The following CNOT6L variants were observed in gnomAD, a reference collection of about 807,000 sequenced individuals.
CNOT6L encodes the protein CCR4-NOT transcription complex subunit 6-like.
CNOT6L carries 7 observed loss-of-function variants against 64.0 expected under a neutral mutation model. That is an observed-to-expected ratio of 0.11 (90% CI 0.06 to 0.21). The LOEUF (loss-of-function observed/expected upper bound fraction) is 0.21. Among genes scored for constraint, CNOT6L ranks in the 10% least tolerant of loss-of-function variants. The probability of loss-of-function intolerance (pLI) is 1.00; values close to 1 mark genes in which losing one functional copy is unlikely to be tolerated. For missense variants in CNOT6L, 245 were observed against 669.0 expected (o/e 0.37, Z 6.99); for synonymous variants, 193 against 243.4 (o/e 0.79, Z 1.93).
intron 1 of CNOT6L, among the ~76,000 whole-genome samples, chr4:77,818,249 G>A (rs1024688996): frequency 1.3e-5 from 2 of 152,124 alleles, no homozygotes; most frequent in Non-Finnish European, 2.9e-5. Flanking sequence ...CTCAATAGCC[G>A]ACCGAGTTAA....
At chr4:77,773,421 C>T (rs777947469) in intron 3 of CNOT6L, among the ~76,000 whole-genome samples, 2 of 152,192 alleles carry the variant, frequency 1.3e-5, no homozygotes, top group Non-Finnish European at 2.9e-5. Flanking sequence ...GGTGTAGGAA[C>T]TGCATATCAT....
Position 77,717,950 on chromosome 4 carries a change from G to A in CNOT6L, c.*2481C>T, listed in dbSNP as rs554567098. 1 of 152,596 alleles carries A rather than the reference G, an allele frequency of 6.6e-6. No homozygotes were observed. Among genetic ancestry groups the A allele is most frequent in the South Asian group, 2.1e-4 (1 of 4,826 alleles). 9.5% of individuals were successfully genotyped at this position (152,596 alleles called of 1,614,324 possible). On this transcript the variant is annotated 3_prime_UTR_variant, in exon 12 of 12. Coordinates refer to ENST00000504123, the MANE Select transcript of CNOT6L (RefSeq NM_144571.3). ...AATGGTTTGAAAGAGCGCATTTGAAGCAGAGAGAACCCAATTACACACCTT... is the reference window on the plus strand; with the variant it reads ...AATGGTTTGAAAGAGCGCATTTGAAACAGAGAGAACCCAATTACACACCTT...
intron 3 of CNOT6L, 50 bp from the exon 4 acceptor site, chr4:77,773,216 A>T: frequency 8.6e-7 from 1 of 1,166,920 alleles, no homozygotes. Context: ...AGTTTTATTA[A>T]CATCTGTATT....
At chr4:77,752,761 T>A (rs993174219) in intron 5 of CNOT6L, among the ~76,000 whole-genome samples, 6 of 151,630 alleles carry the variant, frequency 4.0e-5, no homozygotes, top group African/African-American at 1.5e-4. Context: ...ATAAATATAT[T>A]TGAGGAAAAA....
intron 3 of CNOT6L, among the ~76,000 whole-genome samples, chr4:77,774,222 C>A (rs1439732149): frequency 6.6e-6 from 1 of 152,074 alleles, no homozygotes; most frequent in African/African-American, 2.4e-5. Context: ...TATTCATCAG[C>A]AAATCTTCAT....
At chr4:77,819,395 G>A (rs1734042500), upstream of CNOT6L, 5 of 1,605,376 alleles carry the variant, frequency 3.1e-6, no homozygotes, top group Non-Finnish European at 4.2e-6. Flanking sequence ...GCGCGCACCA[G>A]GCCCCCACAG....
chr4:77,807,791 T>C (rs984738703), intron 1 of CNOT6L, among the ~76,000 whole-genome samples: 9 of 152,178 alleles, frequency 5.9e-5, no homozygotes, highest in Admixed American at 5.2e-4. Flanking sequence ...CAGCAAGATA[T>C]CTTAGGAAGT....
chr4:77,731,062 A>C (rs1009287855), intron 9 of CNOT6L, among the ~76,000 whole-genome samples: 2 of 152,140 alleles, frequency 1.3e-5, no homozygotes, highest in African/African-American at 4.8e-5. Flanking sequence ...ATTCAAAAAG[A>C]GGGCCAAGTC....
At chr4:77,762,466 G>C (rs1219281551) in intron 4 of CNOT6L, among the ~76,000 whole-genome samples, 2 of 152,098 alleles carry the variant, frequency 1.3e-5, no homozygotes, top group Non-Finnish European at 2.9e-5. Context: ...CATGTAGAAA[G>C]TATAATCTTT....
chr4:77,793,583 G>A (rs1315096668), intron 1 of CNOT6L, among the ~76,000 whole-genome samples: 1 of 151,580 alleles, frequency 6.6e-6, no homozygotes, highest in Admixed American at 6.6e-5. Flanking sequence ...CTCTTATGAT[G>A]GACTTGGAAA....
chr4:77,763,376 T>C (rs1267844793), intron 4 of CNOT6L, among the ~76,000 whole-genome samples: 2 of 152,014 alleles, frequency 1.3e-5, no homozygotes, highest in Non-Finnish European at 2.9e-5. Context: ...ATATTAGAAA[T>C]ACAGACTATA....
intron 5 of CNOT6L, among the ~76,000 whole-genome samples, chr4:77,755,618 T>C (rs1279261201): frequency 6.6e-6 from 1 of 152,216 alleles, no homozygotes; most frequent in Non-Finnish European, 1.5e-5. Flanking sequence ...AACGCCTCTA[T>C]AATAAATTTG....
At chr4:77,781,379 A>C (rs866057806) in intron 1 of CNOT6L, among the ~76,000 whole-genome samples, 9 of 152,330 alleles carry the variant, frequency 5.9e-5, no homozygotes, top group African/African-American at 1.9e-4. Context: ...AAAATATTTA[A>C]TGTATTTTAG....
chr4:77,787,978 GT>G (rs1729642129), intron 1 of CNOT6L, among the ~76,000 whole-genome samples: 2 of 152,130 alleles, frequency 1.3e-5, no homozygotes, highest in African/African-American at 4.8e-5. Context: ...TGTCTTTAAA[GT>G]TTGAAAACCC....
At chr4:77,726,758 A>C (rs958558459) in intron 10 of CNOT6L, among the ~76,000 whole-genome samples, 4 of 152,330 alleles carry the variant, frequency 2.6e-5, no homozygotes, top group Admixed American at 1.3e-4. Context: ...CCCCATTCTA[A>C]GCAATCAACA....
At chr4:77,801,033 A>C (rs1323499592) in intron 1 of CNOT6L, among the ~76,000 whole-genome samples, 3 of 152,238 alleles carry the variant, frequency 2.0e-5, no homozygotes, top group Non-Finnish European at 4.4e-5. Context: ...TGTATTGAGC[A>C]GAAAGGTTAG....
intron 4 of CNOT6L, among the ~76,000 whole-genome samples, chr4:77,772,022 C>T (rs1367771791): frequency 6.6e-6 from 1 of 152,096 alleles, no homozygotes; most frequent in Admixed American, 6.6e-5. Flanking sequence ...ATTGAGTATG[C>T]CTTTCATCCC....
intron 1 of CNOT6L, among the ~76,000 whole-genome samples, chr4:77,814,368 T>G (rs1054130250): frequency 6.6e-6 from 1 of 152,292 alleles, no homozygotes; most frequent in African/African-American, 2.4e-5. Context: ...TTCTAAGGTA[T>G]CTAAATTATA....
intron 2 of CNOT6L, among the ~76,000 whole-genome samples, chr4:77,776,029 T>C (rs1728104011): frequency 6.6e-6 from 1 of 152,130 alleles, no homozygotes; most frequent in African/African-American, 2.4e-5. Context: ...AGAAACTGGT[T>C]TTACTTAGAA....
Sources: gnomAD v4.1 joint callset for allele counts (sites outside exome capture counted in the v4.1 genomes callset) on GRCh38, gnomAD v4.1.1 for gene constraint, MANE v1.5 for transcripts, NCBI Gene and HGNC (gene_info 2026-07-23, HGNC 2026-07-21) for gene names.